Variants in PACSIN2 observed in about 807,000 individuals in gnomAD.
The protein encoded by PACSIN2 is protein kinase C and casein kinase substrate in neurons 2.
A neutral mutation model predicts 63.8 loss-of-function variants in PACSIN2; 25 were observed. The observed-to-expected ratio is 0.39, with a 90% confidence interval of 0.29 to 0.55. The LOEUF is 0.55. PACSIN2 is among the 20% of genes least tolerant of loss of function. The pLI, the probability that PACSIN2 is intolerant of heterozygous loss-of-function variation, is 0.62. For synonymous variants in PACSIN2, 255 were observed against 256.2 expected, an observed-to-expected ratio of 1.00 and a Z score of 0.05; for missense variants, 518 against 646.9, an observed-to-expected ratio of 0.80 and a Z score of 2.16.
intron 1 of PACSIN2, among the ~76,000 whole-genome samples, chr22:43,001,786 G>A (rs1923784268): frequency 6.6e-6 from 1 of 152,240 alleles, no homozygotes; most frequent in African/African-American, 2.4e-5. Context: ...CCCCTGTGGG[G>A]AGAGGGTAGA....
intron 1 of PACSIN2, among the ~76,000 whole-genome samples, chr22:42,948,512 T>C (rs977311828): frequency 2.6e-5 from 4 of 152,122 alleles, no homozygotes; most frequent in Admixed American, 2.0e-4. Flanking sequence ...CACATGACTA[T>C]CTATAGTCCC....
At chr22:42,936,945 A>G (rs997972012) in intron 1 of PACSIN2, among the ~76,000 whole-genome samples, 8 of 152,140 alleles carry the variant, frequency 5.3e-5, no homozygotes, top group African/African-American at 1.9e-4. Context: ...AGTAAATTAA[A>G]TTAGCAAATA....
chr22:42,872,255 C>G lies in PACSIN2; in HGVS notation c.1349-786G>C, dbSNP rs564838024. ...GGGAGGTGGCACTAGGGTAGGGCCC[C>G]AGGTCTGGCATTTGCCAGGTTAGGG... On this transcript the variant is annotated intron_variant, in intron 10 of 10. Coordinates refer to ENST00000263246, the MANE Select transcript of PACSIN2 (RefSeq NM_001184970.3). 2.5e-3 allele frequency among the ~76,000 whole-genome samples: 380 copies of G among 152,324 alleles called. 3 individuals are homozygous for G. The highest frequency in any genetic ancestry group is 8.7e-3 in the African/African-American group (360 of 41,570).
At chr22:42,970,698 G>C (rs911538280) in intron 1 of PACSIN2, among the ~76,000 whole-genome samples, 4 of 152,216 alleles carry the variant, frequency 2.6e-5, no homozygotes, top group African/African-American at 9.6e-5. Flanking sequence ...AGCCAAGGAA[G>C]ATGAAGCCTA....
rs772674760 is a variant in PACSIN2 at position 42,906,574 on chromosome 22, CA to C, written c.60+5446del. ...CACAATGGAAATGTCCACTATAGCTCAGGGGGAGGGTCACCCACCAAAGAAG... is the reference window on the plus strand; with the variant it reads ...CACAATGGAAATGTCCACTATAGCTCGGGGGAGGGTCACCCACCAAAGAAG... On this transcript the variant is annotated intron_variant, in intron 2 of 10. Coordinates refer to ENST00000263246, the MANE Select transcript of PACSIN2 (RefSeq NM_001184970.3). Among the ~76,000 whole-genome samples, 15 of 151,662 alleles carry C rather than the reference CA, an allele frequency of 9.9e-5. No homozygotes were observed. In the East Asian group the frequency reaches 1.7e-3, roughly 18 times the overall value.
chr22:42,922,476 G>A (rs759852739), intron 1 of PACSIN2, among the ~76,000 whole-genome samples: 23 of 152,282 alleles, frequency 1.5e-4, no homozygotes, highest in African/African-American at 2.6e-4. Flanking sequence ...CCGATACCCC[G>A]CTCTAATCCT....
At chr22:42,941,475 G>A (rs1933156596) in intron 1 of PACSIN2, among the ~76,000 whole-genome samples, 1 of 152,184 alleles carries the variant, frequency 6.6e-6, no homozygotes, top group African/African-American at 2.4e-5. Flanking sequence ...TTCAGCCAGA[G>A]TGCTTTCCAA....
At chr22:42,883,093 A>G (rs1287741581) in intron 6 of PACSIN2, among the ~76,000 whole-genome samples, 4 of 152,194 alleles carry the variant, frequency 2.6e-5, no homozygotes, top group African/African-American at 9.7e-5. Flanking sequence ...CCTAATCCAT[A>G]TGACTGGTGC....
intron 1 of PACSIN2, among the ~76,000 whole-genome samples, chr22:42,950,645 C>T (rs1933649497): frequency 1.3e-5 from 2 of 152,164 alleles, no homozygotes; most frequent in South Asian, 2.1e-4. Context: ...ACATTCAACG[C>T]CATAAGTAGC....
chr22:42,894,718 G>A (rs990527224), intron 2 of PACSIN2, among the ~76,000 whole-genome samples: 2 of 152,182 alleles, frequency 1.3e-5, no homozygotes, highest in African/African-American at 4.8e-5. Flanking sequence ...GGGTGAAAAC[G>A]AAAATGTTCG....
chr22:42,988,404 T>G (rs1266624834), intron 1 of PACSIN2, among the ~76,000 whole-genome samples: 1 of 152,182 alleles, frequency 6.6e-6, no homozygotes, highest in Non-Finnish European at 1.5e-5. Flanking sequence ...CTCATCTTCA[T>G]CAAGGTACAA....
At chr22:42,888,566 T>G in intron 5 of PACSIN2, 77 bp downstream of exon 5, 1 of 1,435,290 alleles carries the variant, frequency 7.0e-7, no homozygotes, top group African/African-American at 1.4e-5. Context: ...CCCAAGCAGT[T>G]ACAGAAGGCT....
At chr22:42,909,552 G>A (rs773031489) in intron 2 of PACSIN2, 9 of 471,050 alleles carry the variant, frequency 1.9e-5, no homozygotes, top group Middle Eastern at 3.2e-4. Context: ...ACAGCACTGC[G>A]GAGTTGATAC....
chr22:42,981,481 G>C (rs1922120775), intron 1 of PACSIN2, among the ~76,000 whole-genome samples: 1 of 61,512 alleles, frequency 1.6e-5, no homozygotes, highest in Non-Finnish European at 2.9e-5. Context: ...GGAGGGAGGC[G>C]GCGGGGGGGG....
intron 2 of PACSIN2, among the ~76,000 whole-genome samples, chr22:42,904,257 C>T (rs754440480): frequency 2.0e-5 from 3 of 152,214 alleles, no homozygotes; most frequent in Non-Finnish European, 4.4e-5. Flanking sequence ...CCCGCGACAC[C>T]CTACATGGCG....
rs999449541 is a variant in PACSIN2, at chr22:42,896,572, T to G, written c.61-2959A>C. 2.0e-5 allele frequency among the ~76,000 whole-genome samples: 3 copies of G among 152,252 alleles called. No homozygotes were observed. The East Asian group carries it at 5.8e-4, about 29-fold the overall frequency. ...GGTCATTTTCAGTTTGGGGGAATTATGAATAAAGAAGCTATAACGTTCATC... is the reference window on the plus strand; with the variant it reads ...GGTCATTTTCAGTTTGGGGGAATTAGGAATAAAGAAGCTATAACGTTCATC... On this transcript the variant is annotated intron_variant, in intron 2 of 10. Transcript: ENST00000263246.
At chr22:42,919,236 C>T (rs1007919692) in intron 1 of PACSIN2, among the ~76,000 whole-genome samples, 3 of 152,162 alleles carry the variant, frequency 2.0e-5, no homozygotes, top group African/African-American at 4.8e-5. Flanking sequence ...CTCTGTAATT[C>T]AGCTATTTGT....
chr22:42,891,175 C>T lies in PACSIN2; in HGVS notation c.225G>A (p.Gln75=), dbSNP rs1029074307. The part of the protein sequence containing the change: ...RWRQLVEKGP[Q]YGTVEKAWMA... ...TCCAGGCCTTCTCCACGGTCCCGTA[C>T]TGGGGCCCTGTGCAGGGGAGAGAAG... Residue 75 remains glutamine, a synonymous_variant, in exon 4 of 11, where the codon CAG becomes CAA. Coordinates refer to ENST00000263246, the MANE Select transcript of PACSIN2 (RefSeq NM_001184970.3). The T allele has an allele frequency of 7.4e-6, 12 of 1,612,578 alleles. No homozygotes were observed. The highest frequency in any genetic ancestry group is 1.1e-5 in the South Asian group (1 of 91,064).
intron 1 of PACSIN2, among the ~76,000 whole-genome samples, chr22:42,971,984 C>T (rs560720709): frequency 4.6e-5 from 7 of 152,100 alleles, no homozygotes; most frequent in African/African-American, 7.2e-5. Flanking sequence ...CCCCTCTGCC[C>T]GGCCGCCACC....
Sources: gnomAD v4.1 joint callset for allele counts (sites outside exome capture counted in the v4.1 genomes callset) on GRCh38, gnomAD v4.1.1 for gene constraint, MANE v1.5 for transcripts, NCBI Gene and HGNC (gene_info 2026-07-23, HGNC 2026-07-21) for gene names.